The following PAH variants were observed in gnomAD, a reference collection of about 807,000 sequenced individuals.
PAH encodes the protein phenylalanine-4-hydroxylase.
Under a neutral mutation model 62.0 loss-of-function variants are expected in PAH, and 64 were observed. The observed-to-expected ratio is 1.03, with a 90% CI of 0.84 to 1.27. The LOEUF is 1.27. Among genes scored for constraint, PAH ranks in the 50% most tolerant of loss-of-function variants. The probability of loss-of-function intolerance (pLI) is 0.00; values close to 1 mark genes in which losing one functional copy is unlikely to be tolerated. For missense variants in PAH, 579 were observed against 542.8 expected (o/e 1.07, Z -0.66); for synonymous variants, 195 against 196.2 (o/e 0.99, Z 0.05).
At chr12:102,882,642 CTATA>C (rs869088873) in intron 3 of PAH, among the ~76,000 whole-genome samples, 1,113 of 85,830 alleles carry the variant, frequency 0.013, 12 homozygotes, top group African/African-American at 0.023. Flanking sequence ...TATATATACA[CTATA>C]TATATATATA....
intron 8 of PAH, among the ~76,000 whole-genome samples, chr12:102,851,321 T>C (rs1195182485): frequency 1.3e-5 from 2 of 151,924 alleles, no homozygotes; most frequent in Non-Finnish European, 2.9e-5. Flanking sequence ...CCTGACAAGG[T>C]AGAAAGTTGC....
At chr12:102,879,256 T>A (rs1291134233) in intron 3 of PAH, among the ~76,000 whole-genome samples, 2 of 152,082 alleles carry the variant, frequency 1.3e-5, no homozygotes, top group Non-Finnish European at 2.9e-5. Context: ...ATCTGAGGAT[T>A]GCTGTGGGCA....
At position 102,917,094 on chromosome 12, in the gene PAH, TG is replaced by T. The variant is rs1878413079; in HGVS notation, c.36del (p.Arg13GlyfsTer25). On this transcript the variant is annotated frameshift_variant, in exon 1 of 13. Transcript: ENST00000553106. LOFTEE classifies it high-confidence loss of function. ...STAVLENPGL[G>X]RKLSDFGQET... ...ACCTGTCCAAAGTCAGAGAGTTTCC[TG>T]CCCAAGCCTGGGTTTTCCAGGACCG... 6.2e-7 allele frequency: 1 copy of T among 1,614,058 alleles called. No homozygotes were observed. Among genetic ancestry groups the T allele is most frequent in the African/African-American group, 1.3e-5 (1 of 74,926 alleles).
At chr12:102,881,361 A>G (rs77119225) in intron 3 of PAH, among the ~76,000 whole-genome samples, 2,993 of 151,764 alleles carry the variant, frequency 0.02, 102 homozygotes, top group African/African-American at 0.066. Flanking sequence ...ATAAAATTAT[A>G]AATACAATGT....
chr12:102,912,740 A>C, intron 2 of PAH, 51 bp downstream of exon 2: 1 of 1,260,826 alleles, frequency 7.9e-7, no homozygotes, highest in Non-Finnish European at 1.2e-6. Flanking sequence ...AGAAAAGAAC[A>C]TGGAAGTTTG....
At chr12:102,871,417 A>G (rs1876310886) in intron 4 of PAH, among the ~76,000 whole-genome samples, 1 of 151,380 alleles carries the variant, frequency 6.6e-6, no homozygotes, top group South Asian at 2.1e-4. Context: ...CCTCTTCCCC[A>G]CTCGTTTAGA....
At chr12:102,958,353 G>A in exon 1 of PAH, 3 of 1,427,474 alleles carry the variant, frequency 2.1e-6, no homozygotes, top group African/African-American at 1.6e-5. Flanking sequence ...CACGGCCGCA[G>A]CCGCGGCGGC....
Position 102,957,488 on chromosome 12 carries a change from G to C in PAH, c.-96+707C>G, listed in dbSNP as rs1471539817. Among the ~76,000 whole-genome samples the C allele has an allele frequency of 7.8e-6, 1 of 128,798 alleles. No homozygotes were observed. The highest frequency in any genetic ancestry group is 1.7e-5 in the Non-Finnish European group (1 of 60,362). The allele number at this position is 128,798 out of a possible 152,430, so 84.5% of individuals were successfully genotyped here. ...TTGCAAGGAGCGGGAGAAAGGAACG[G>C]GAGGGGGGGAGAGGAGAGGAGGAGG... On this transcript the variant is annotated intron_variant, in intron 1 of 4. Coordinates refer to the PAH transcript ENST00000551337. The surrounding 1 kb of genome is among the most constrained non-coding windows in gnomAD (Gnocchi z 4.1).
intron 11 of PAH, among the ~76,000 whole-genome samples, chr12:102,842,879 T>A (rs1189869580): frequency 6.6e-6 from 1 of 152,132 alleles, no homozygotes; most frequent in Non-Finnish European, 1.5e-5. Flanking sequence ...CCATCACTGA[T>A]AAGATTTTTT....
At position 102,837,434 on chromosome 12, in the gene PAH, G is replaced by A. The variant is rs1161663199; in HGVS notation, c.*1741C>T. On this transcript the variant is annotated 3_prime_UTR_variant, in exon 13 of 13. Coordinates refer to ENST00000553106, the MANE Select transcript of PAH (RefSeq NM_000277.3). The stretch of plus-strand genomic sequence containing the variant: ...GAAACATCAGAATAATCCCTTTGCA[G>A]GGATTGTTTGGTGTTTAGAGTAAAA... The A allele has an allele frequency of 6.6e-6, 1 of 152,210 alleles. No individual in the cohort carries two copies. Among genetic ancestry groups the A allele is most frequent in the Non-Finnish European group, 1.5e-5 (1 of 68,040 alleles). 9.4% of individuals were successfully genotyped at this position (152,210 alleles called of 1,614,324 possible).
Position 102,957,496 on chromosome 12 carries a change from G to A in PAH, c.-96+699C>T, listed in dbSNP as rs1455579101. 6.6e-6 allele frequency among the ~76,000 whole-genome samples: 1 copy of A among 151,530 alleles called. No individual in the cohort carries two copies. Among genetic ancestry groups the A allele is most frequent in the Non-Finnish European group, 1.5e-5 (1 of 67,818 alleles). ...AGCGGGAGAAAGGAACGGGAGGGGGGGAGAGGAGAGGAGGAGGGGGAGTTT... is the reference window on the plus strand; with the variant it reads ...AGCGGGAGAAAGGAACGGGAGGGGGAGAGAGGAGAGGAGGAGGGGGAGTTT... On this transcript the variant is annotated intron_variant, in intron 1 of 4. Transcript: ENST00000551337. This position sits in a 1 kb window ranked among gnomAD's most constrained non-coding sequence, Gnocchi z 4.1.
At chr12:102,888,073 C>T (rs1181288137) in intron 3 of PAH, among the ~76,000 whole-genome samples, 1 of 152,112 alleles carries the variant, frequency 6.6e-6, no homozygotes, top group African/African-American at 2.4e-5. Flanking sequence ...GGAGTTTGGA[C>T]TTGCTCAACC....
intron 1 of PAH, among the ~76,000 whole-genome samples, chr12:102,926,453 A>T (rs1320578353): frequency 6.6e-6 from 1 of 151,928 alleles, no homozygotes; most frequent in African/African-American, 2.4e-5. Flanking sequence ...GAGAGGTGTA[A>T]GCTGAGTCTG....
chr12:102,892,119 C>T (rs1877303695), intron 3 of PAH, among the ~76,000 whole-genome samples: 1 of 152,220 alleles, frequency 6.6e-6, no homozygotes, highest in Non-Finnish European at 1.5e-5. Flanking sequence ...GCATGGCTGT[C>T]CACTCTCCAC....
chr12:102,869,366 A>C (rs1876203088), intron 4 of PAH, among the ~76,000 whole-genome samples: 1 of 152,210 alleles, frequency 6.6e-6, no homozygotes, highest in South Asian at 2.1e-4. Flanking sequence ...TAAAATGATT[A>C]AAGAAATACA....
At chr12:102,859,077 G>A (rs1389122319) in intron 5 of PAH, among the ~76,000 whole-genome samples, 2 of 152,032 alleles carry the variant, frequency 1.3e-5, no homozygotes, top group African/African-American at 2.4e-5. Context: ...TAGACTGCTA[G>A]CAAGACTAAT....
At chr12:102,858,322 A>G (rs1237960593) in intron 5 of PAH, among the ~76,000 whole-genome samples, 1 of 152,226 alleles carries the variant, frequency 6.6e-6, no homozygotes, top group African/African-American at 2.4e-5. Context: ...CCAGATTCAT[A>G]AAGCAAGTCG....
intron 4 of PAH, among the ~76,000 whole-genome samples, chr12:102,870,879 A>G (rs1876280252): frequency 6.6e-6 from 1 of 152,222 alleles, no homozygotes. Context: ...ACAATTGGCC[A>G]AGAAGCCTAT....
chr12:102,873,285 G>T (rs1876433434), intron 4 of PAH, among the ~76,000 whole-genome samples: 1 of 152,212 alleles, frequency 6.6e-6, no homozygotes, highest in African/African-American at 2.4e-5. Context: ...TTTGATTGAA[G>T]GGATGTGAGT....
Sources: allele counts gnomAD v4.1 joint callset (sites outside exome capture counted in the v4.1 genomes callset), GRCh38; gene constraint gnomAD v4.1.1; non-coding constraint Gnocchi (gnomAD v3.1); transcripts MANE v1.5; gene names NCBI Gene and HGNC (gene_info 2026-07-23, HGNC 2026-07-21).